The following ARHGAP24 variants were observed in gnomAD, a reference collection of about 807,000 sequenced individuals.
ARHGAP24 encodes the protein rho GTPase-activating protein 24.
In ARHGAP24, 50 loss-of-function variants were observed where a neutral mutation model predicts 76.4. The ratio of observed to expected loss-of-function variants is 0.65; its 90% confidence interval spans 0.52 to 0.83. The LOEUF is 0.83. ARHGAP24 is among the 40% of genes least tolerant of loss of function. The pLI, the probability that ARHGAP24 is intolerant of heterozygous loss-of-function variation, is 0.00. For missense variants in ARHGAP24, 930 were observed against 914.2 expected (o/e 1.02, Z -0.22); for synonymous variants, 345 against 323.3 (o/e 1.07, Z -0.72).
intron 3 of ARHGAP24, among the ~76,000 whole-genome samples, chr4:85,887,571 T>G (rs1733631557): frequency 6.6e-6 from 1 of 152,152 alleles, no homozygotes; most frequent in African/African-American, 2.4e-5. Context: ...ATGCTTACAG[T>G]TGTAAATATT....
chr4:85,769,095 G>T (rs999173313), intron 3 of ARHGAP24, among the ~76,000 whole-genome samples: 25 of 152,004 alleles, frequency 1.6e-4, no homozygotes, highest in African/African-American at 5.5e-4. Flanking sequence ...ATATCCTTAT[G>T]AAAAAAACGG....
intron 4 of ARHGAP24, among the ~76,000 whole-genome samples, chr4:85,935,615 T>C (rs1053233250): frequency 6.6e-6 from 1 of 152,220 alleles, no homozygotes; most frequent in African/African-American, 2.4e-5. Flanking sequence ...GTATCCCAAA[T>C]CTGCCACTTT....
intron 1 of ARHGAP24, among the ~76,000 whole-genome samples, chr4:85,525,704 A>C (rs2110113614): frequency 6.6e-6 from 1 of 152,276 alleles, no homozygotes; most frequent in African/African-American, 2.4e-5. Flanking sequence ...GCATTCCAGA[A>C]GAAGAGATGA....
chr4:85,674,581 CAGTT>C (rs1722911079), intron 2 of ARHGAP24, among the ~76,000 whole-genome samples: 3 of 152,262 alleles, frequency 2.0e-5, no homozygotes, highest in Admixed American at 2.0e-4. Flanking sequence ...TAACATCACA[CAGTT>C]AGTAAGCAGA....
intron 3 of ARHGAP24, among the ~76,000 whole-genome samples, chr4:85,752,797 A>G (rs1442899456): frequency 6.6e-6 from 1 of 152,240 alleles, no homozygotes; most frequent in African/African-American, 2.4e-5. Context: ...GAGAGAAGAC[A>G]GATGTAACGT....
rs541063227 is a variant in ARHGAP24, at chr4:85,490,191, A to G, written c.-21+14632A>G. 1.1e-4 allele frequency among the ~76,000 whole-genome samples: 17 copies of G among 152,300 alleles called. No individual in the cohort carries two copies. The South Asian group carries it at 3.5e-3, about 32-fold the overall frequency. ...GATAAAATTACTGGTGATATTTTGT[A>G]TTAGCCTGAGATATGCTGAATTACA... is the stretch of plus-strand genomic sequence containing the variant. On this transcript the variant is annotated intron_variant, in intron 1 of 9. Coordinates refer to ENST00000395184, the MANE Select transcript of ARHGAP24 (RefSeq NM_001025616.3).
At chr4:85,874,918 ATTTATATATAATTTATATATAATATAT>A (rs2110196875) in intron 3 of ARHGAP24, among the ~76,000 whole-genome samples, 1 of 87,428 alleles carries the variant, frequency 1.1e-5, no homozygotes, top group Non-Finnish European at 2.0e-5. Flanking sequence ...ATATAAATAT[ATTTATATATAATTTATATATAATATAT>A]TTTTATATAA....
At chr4:85,509,964 A>T (rs377185104) in intron 1 of ARHGAP24, among the ~76,000 whole-genome samples, 12 of 152,314 alleles carry the variant, frequency 7.9e-5, no homozygotes, top group African/African-American at 2.9e-4. Flanking sequence ...GAGTGGTGGC[A>T]AGATGCGCCT....
At position 85,896,361 on chromosome 4, in the gene ARHGAP24, A is replaced by G. The variant is rs1205063483; in HGVS notation, c.269-27287A>G. Reference sequence around the variant, plus strand: ...TTCCCTGATCTTGAATAAAACTGCCATTTATATCTCCTGTGGCCATATCCT... The same window carrying G: ...TTCCCTGATCTTGAATAAAACTGCCGTTTATATCTCCTGTGGCCATATCCT... On this transcript the variant is annotated intron_variant, in intron 3 of 9. Coordinates refer to ENST00000395184, the MANE Select transcript of ARHGAP24 (RefSeq NM_001025616.3). Among the ~76,000 whole-genome samples the G allele has an allele frequency of 3.3e-5, 5 of 152,288 alleles. No individual in the cohort carries two copies. The East Asian group carries it at 9.6e-4, about 29-fold the overall frequency.
intron 2 of ARHGAP24, among the ~76,000 whole-genome samples, chr4:85,571,350 T>G (rs996146821): frequency 1.3e-5 from 2 of 152,246 alleles, no homozygotes; most frequent in Non-Finnish European, 2.9e-5. Context: ...GAGAGAAGAA[T>G]AATCTTCATC....
intron 3 of ARHGAP24, among the ~76,000 whole-genome samples, chr4:85,739,274 G>A (rs1353972641): frequency 1.3e-5 from 2 of 152,124 alleles, no homozygotes; most frequent in Admixed American, 1.3e-4. Context: ...ATCTTCAGGT[G>A]GTCAATATGC....
At chr4:85,971,010 G>A (rs1295112020) in intron 5 of ARHGAP24, among the ~76,000 whole-genome samples, 1 of 152,064 alleles carries the variant, frequency 6.6e-6, no homozygotes, top group East Asian at 1.9e-4. Flanking sequence ...ACTCAGAAGA[G>A]GATACAAATA....
chr4:85,484,025 A>G (rs1722924070), intron 1 of ARHGAP24, among the ~76,000 whole-genome samples: 1 of 152,238 alleles, frequency 6.6e-6, no homozygotes, highest in African/African-American at 2.4e-5. Context: ...ACACATTGAT[A>G]TTGTATTGAT....
intron 2 of ARHGAP24, among the ~76,000 whole-genome samples, chr4:85,704,742 C>T (rs538826339): frequency 6.6e-6 from 1 of 152,190 alleles, no homozygotes; most frequent in South Asian, 2.1e-4. Context: ...TTCTACATTT[C>T]ATTTTTGTTA....
chr4:85,677,202 C>A (rs1346756555), intron 2 of ARHGAP24, among the ~76,000 whole-genome samples: 1 of 152,252 alleles, frequency 6.6e-6, no homozygotes, highest in Non-Finnish European at 1.5e-5. Context: ...TTGCTCTTCT[C>A]TCTTTATCCT....
At chr4:85,760,553 G>A (rs1341892117) in intron 3 of ARHGAP24, among the ~76,000 whole-genome samples, 3 of 152,126 alleles carry the variant, frequency 2.0e-5, no homozygotes, top group Non-Finnish European at 4.4e-5. Flanking sequence ...TGCTATTTGA[G>A]TAATCTGCTT....
intron 3 of ARHGAP24, among the ~76,000 whole-genome samples, chr4:85,820,272 G>A (rs1729413320): frequency 6.6e-6 from 1 of 152,134 alleles, no homozygotes. Context: ...AAGACAATGT[G>A]ATACATACAT....
At chr4:85,858,088 A>G (rs1474757298) in intron 3 of ARHGAP24, among the ~76,000 whole-genome samples, 1 of 152,220 alleles carries the variant, frequency 6.6e-6, no homozygotes, top group Non-Finnish European at 1.5e-5. Flanking sequence ...CTTGTGAGAA[A>G]AAAATGTAGA....
rs116830889 is a variant in ARHGAP24 at position 85,696,888 on chromosome 4, G to A, written c.181-24997G>A. Among the ~76,000 whole-genome samples the A allele has an allele frequency of 5.2e-3, 796 of 152,222 alleles. 6 individuals carry two copies. Among genetic ancestry groups the A allele is most frequent in the African/African-American group, 0.018 (752 of 41,518 alleles). On this transcript the variant is annotated intron_variant, in intron 2 of 9. Transcript: ENST00000395184. ...GAACATTGATCAACTTGTTGAGGAT[G>A]GCCCTGTCTTGTCAGTGGAAAAAAG...
Sources: gnomAD v4.1 joint callset for allele counts (sites outside exome capture counted in the v4.1 genomes callset) on GRCh38, gnomAD v4.1.1 for gene constraint, MANE v1.5 for transcripts, NCBI Gene and HGNC (gene_info 2026-07-23, HGNC 2026-07-21) for gene names.